CEP63: variants seen among roughly 807,000 people sequenced by gnomAD.
CEP63 encodes the protein centrosomal protein 63, also known as centrosomal protein of 63 kDa.
A neutral mutation model predicts 89.1 loss-of-function variants in CEP63; 84 were observed. The observed-to-expected ratio is 0.94, with a 90% confidence interval of 0.79 to 1.13. CEP63 has a LOEUF of 1.13. Ranked by LOEUF, CEP63 falls within the 50% of genes most tolerant of loss-of-function variation. CEP63 has a pLI of 0.00. For synonymous variants in CEP63, 267 were observed against 272.5 expected (o/e 0.98, Z 0.20); for missense variants, 838 against 813.3 (o/e 1.03, Z -0.37).
the CEP63 span, among the ~76,000 whole-genome samples, chr3:134,726,366 A>T: frequency 6.6e-6 from 1 of 151,886 alleles, no homozygotes; most frequent in East Asian, 1.9e-4. Context: ...ATCCCCCAGA[A>T]TCCTCCTTGT....
At chr3:134,641,065 A>C in the CEP63 span, 1 of 152,448 alleles carries the variant, frequency 6.6e-6, no homozygotes, top group Non-Finnish European at 1.5e-5. Flanking sequence ...CTCCTTGAAC[A>C]TGCAGACACG....
the CEP63 span, among the ~76,000 whole-genome samples, chr3:134,640,489 G>T: frequency 1.3e-5 from 2 of 152,208 alleles, no homozygotes; most frequent in South Asian, 2.1e-4. Flanking sequence ...TTAATATCTG[G>T]CACACACCAA....
the CEP63 span, among the ~76,000 whole-genome samples, chr3:134,697,855 T>C: frequency 6.6e-6 from 1 of 152,170 alleles, no homozygotes; most frequent in African/African-American, 2.4e-5. Context: ...TTCAACCACT[T>C]GGGAAAATCA....
chr3:134,620,115 G>A, the CEP63 span: 1 of 152,484 alleles, frequency 6.6e-6, no homozygotes, highest in South Asian at 2.1e-4. Flanking sequence ...ATTTGTGTTT[G>A]CAAGGCGGCA....
chr3:134,578,209 A>G (rs1560077731), downstream of CEP63, among the ~76,000 whole-genome samples: 2 of 152,082 alleles, frequency 1.3e-5, no homozygotes, highest in Admixed American at 6.6e-5. Context: ...ATCTTCCACA[A>G]TGGTTGAACT....
the CEP63 span, among the ~76,000 whole-genome samples, chr3:134,653,385 T>C: frequency 6.6e-6 from 1 of 152,214 alleles, no homozygotes; most frequent in Admixed American, 6.5e-5. Flanking sequence ...TCACCTCGAC[T>C]GCTCTGGGAG....
the CEP63 span, among the ~76,000 whole-genome samples, chr3:134,699,000 G>C: frequency 1.5e-4 from 23 of 152,144 alleles, no homozygotes. Context: ...GAAATACTGA[G>C]GCCTCTCACT....
chr3:134,494,192 T>C lies in CEP63; in HGVS notation c.-25-1104T>C, dbSNP rs149749372. On this transcript the variant is annotated intron_variant, in intron 1 of 14. Transcript: ENST00000675561. ...GTGCAATGGTGTGATCTCGGATCAC[T>C]GCAACCTCCGCCTCCCGACTTCAAG... Among the ~76,000 whole-genome samples, 77 of 151,820 alleles carry C rather than the reference T, an allele frequency of 5.1e-4. 1 individual carries two copies. The highest frequency in any genetic ancestry group is 3.4e-3 in the Middle Eastern group (1 of 294).
downstream of CEP63, among the ~76,000 whole-genome samples, chr3:134,576,927 G>A (rs1958226968): frequency 6.6e-6 from 1 of 152,120 alleles, no homozygotes; most frequent in Admixed American, 6.6e-5. Flanking sequence ...CCATTTTCCT[G>A]GTTTTCAAAT....
At chr3:134,716,217 G>A in the CEP63 span, among the ~76,000 whole-genome samples, 1 of 152,188 alleles carries the variant, frequency 6.6e-6, no homozygotes, top group Admixed American at 6.5e-5. Flanking sequence ...CCTGGAAACA[G>A]TGCATCTCTT....
chr3:134,671,105 C>T, the CEP63 span, among the ~76,000 whole-genome samples: 1 of 152,126 alleles, frequency 6.6e-6, no homozygotes, highest in Non-Finnish European at 1.5e-5. Flanking sequence ...TAGAGATCAT[C>T]AATACATGTG....
the CEP63 span, among the ~76,000 whole-genome samples, chr3:134,718,898 C>T: frequency 4.6e-5 from 7 of 152,158 alleles, no homozygotes; most frequent in East Asian, 3.9e-4. Flanking sequence ...ATAGTTTCAG[C>T]GGCTGTGGTG....
chr3:134,670,649 C>T, the CEP63 span, among the ~76,000 whole-genome samples: 15 of 152,120 alleles, frequency 9.9e-5, no homozygotes, highest in Non-Finnish European at 2.1e-4. Flanking sequence ...AAACTGTTAC[C>T]GTAATTTTGG....
At chr3:134,716,435 T>G in the CEP63 span, among the ~76,000 whole-genome samples, 12 of 152,160 alleles carry the variant, frequency 7.9e-5, no homozygotes, top group African/African-American at 2.9e-4. Context: ...CCCTGGAAGT[T>G]TTGCAGGGAA....
At chr3:134,757,682 C>A in the CEP63 span, among the ~76,000 whole-genome samples, 1 of 152,156 alleles carries the variant, frequency 6.6e-6, no homozygotes, top group Non-Finnish European at 1.5e-5. Flanking sequence ...TGTGGGGAGA[C>A]ACACTGGGAG....
chr3:134,501,645 A>G (rs1026802685), intron 2 of CEP63, among the ~76,000 whole-genome samples: 8 of 152,122 alleles, frequency 5.3e-5, no homozygotes, highest in Admixed American at 2.0e-4. Flanking sequence ...TTATTGCTGT[A>G]TAGAAATGCT....
the CEP63 span, chr3:134,603,581 AC>A: frequency 1.3e-6 from 2 of 1,573,040 alleles, no homozygotes; most frequent in Non-Finnish European, 1.7e-6. Flanking sequence ...CACAGCCCTC[AC>A]TGGGCATTCA....
the CEP63 span, among the ~76,000 whole-genome samples, chr3:134,697,108 T>C: frequency 6.6e-6 from 1 of 152,118 alleles, no homozygotes; most frequent in Non-Finnish European, 1.5e-5. Flanking sequence ...CCTTGAGGAA[T>C]TATTGAGAGT....
chr3:134,492,572 CT>C (rs77074365), intron 1 of CEP63, among the ~76,000 whole-genome samples: 6,163 of 139,098 alleles, frequency 0.044, 430 homozygotes, highest in African/African-American at 0.14. Flanking sequence ...CACTTCCCTC[CT>C]TTTTTTTTTT....
Sources: gnomAD v4.1 joint callset for allele counts (sites outside exome capture counted in the v4.1 genomes callset) on GRCh38, gnomAD v4.1.1 for gene constraint, MANE v1.5 for transcripts, NCBI Gene and HGNC (gene_info 2026-07-23, HGNC 2026-07-21) for gene names.